Variants in DOK6 observed in about 807,000 individuals in gnomAD.
DOK6 encodes docking protein 6.
A neutral mutation model predicts 44.0 loss-of-function variants in DOK6; 22 were observed. That is an observed-to-expected ratio of 0.50 (90% confidence interval 0.36 to 0.71). The LOEUF is 0.71. Ranked by LOEUF, DOK6 falls within the 30% of genes least tolerant of loss-of-function variation. The pLI is 0.00. For missense variants in DOK6, 340 were observed against 416.4 expected (o/e 0.82, Z 1.60); for synonymous variants, 166 against 145.5 (o/e 1.14, Z -1.01).
At chr18:69,630,742 A>G (rs1161637610) in intron 3 of DOK6, among the ~76,000 whole-genome samples, 1 of 152,218 alleles carries the variant, frequency 6.6e-6, no homozygotes, top group African/African-American at 2.4e-5. Context: ...TGAATGGTCA[A>G]ATTATACTGT....
rs1170166476 is a variant in DOK6 at position 69,629,221 on chromosome 18, C to T, written c.289+29723C>T. 3.9e-5 allele frequency among the ~76,000 whole-genome samples: 6 copies of T among 152,226 alleles called. No homozygotes were observed. In the South Asian group the frequency reaches 1.0e-3, roughly 26 times the overall value. On this transcript the variant is annotated intron_variant, in intron 3 of 7. Transcript: ENST00000382713. ...CATTTGTATGGTGTTGATAGCCTGGCACCCCTGGAGCAATCCAGAAGACTG... is the reference window on the plus strand; with the variant it reads ...CATTTGTATGGTGTTGATAGCCTGGTACCCCTGGAGCAATCCAGAAGACTG...
intron 7 of DOK6, among the ~76,000 whole-genome samples, chr18:69,797,360 AAG>A (rs1980776165): frequency 6.6e-6 from 1 of 152,110 alleles, no homozygotes; most frequent in Non-Finnish European, 1.5e-5. Flanking sequence ...TAAAGTTGTA[AAG>A]TTGTTAGAGT....
At chr18:69,539,149 G>A (rs1474781114) in intron 1 of DOK6, among the ~76,000 whole-genome samples, 1 of 152,068 alleles carries the variant, frequency 6.6e-6, no homozygotes, top group Non-Finnish European at 1.5e-5. Flanking sequence ...TAACCATCCT[G>A]AAATACAAAC....
At chr18:69,578,704 A>T (rs2144608170) in intron 2 of DOK6, among the ~76,000 whole-genome samples, 1 of 152,332 alleles carries the variant, frequency 6.6e-6, no homozygotes. Context: ...TATATGACAG[A>T]TGCAACAGGA....
intron 4 of DOK6, among the ~76,000 whole-genome samples, chr18:69,687,548 G>T (rs1480026013): frequency 6.6e-6 from 1 of 152,092 alleles, no homozygotes; most frequent in African/African-American, 2.4e-5. Flanking sequence ...CAGGTGTGGT[G>T]GCGGGCGCCT....
At chr18:69,707,203 A>C (rs918331355) in intron 5 of DOK6, among the ~76,000 whole-genome samples, 6 of 152,250 alleles carry the variant, frequency 3.9e-5, no homozygotes, top group African/African-American at 1.4e-4. Context: ...AAGAAATGGA[A>C]GAACATTCCA....
At chr18:69,443,257 T>G (rs137988045) in intron 1 of DOK6, among the ~76,000 whole-genome samples, 1 of 152,184 alleles carries the variant, frequency 6.6e-6, no homozygotes, top group Non-Finnish European at 1.5e-5. Flanking sequence ...TTTGACTACC[T>G]GATGAAGGCA....
chr18:69,577,029 C>T (rs1983255327), intron 2 of DOK6, among the ~76,000 whole-genome samples: 1 of 152,140 alleles, frequency 6.6e-6, no homozygotes, highest in African/African-American at 2.4e-5. Flanking sequence ...TGGGACCAAT[C>T]TCACTTCTAA....
Position 69,401,321 on chromosome 18 carries a change from C to T in DOK6, c.66+11C>T, listed in dbSNP as rs201119676. 1,205 of 1,522,120 alleles carry T rather than the reference C, an allele frequency of 7.9e-4. 17 individuals carry two copies. In the South Asian group the frequency reaches 0.014, roughly 18 times the overall value. The allele number at this position is 1,522,120 out of a possible 1,614,324, so 94.3% of individuals were successfully genotyped here. A position where few individuals can be genotyped will look rare whatever the true frequency, so the allele number is the denominator to read the frequency against. The stretch of plus-strand genomic sequence containing the variant: ...AGCAGGAAGCTTGGGGTGAGTGGCT[C>T]GCTCGGCTTGCTCCTTCCCCGGCGC... On this transcript the variant is annotated intron_variant, in intron 1 of 7. Coordinates refer to ENST00000382713, the MANE Select transcript of DOK6 (RefSeq NM_152721.6).
chr18:69,829,455 G>A (rs945601852), intron 7 of DOK6, among the ~76,000 whole-genome samples: 7 of 152,156 alleles, frequency 4.6e-5, no homozygotes, highest in Admixed American at 3.3e-4. Flanking sequence ...GGAACTTGAG[G>A]GAAAGAGTAA....
At chr18:69,447,291 G>C (rs1979323369) in intron 1 of DOK6, among the ~76,000 whole-genome samples, 1 of 152,104 alleles carries the variant, frequency 6.6e-6, no homozygotes, top group Non-Finnish European at 1.5e-5. Context: ...AGTTTTCCTA[G>C]CACCATTTAT....
intron 1 of DOK6, among the ~76,000 whole-genome samples, chr18:69,495,525 G>A (rs1367519707): frequency 6.6e-6 from 1 of 152,136 alleles, no homozygotes; most frequent in Non-Finnish European, 1.5e-5. Flanking sequence ...GGCTGAGCCT[G>A]GGGCTTCTAT....
intron 3 of DOK6, among the ~76,000 whole-genome samples, chr18:69,654,703 C>T (rs1985317791): frequency 6.6e-6 from 1 of 152,142 alleles, no homozygotes; most frequent in African/African-American, 2.4e-5. Flanking sequence ...TTTAGAATTG[C>T]TGACTGCTGT....
intron 7 of DOK6, among the ~76,000 whole-genome samples, chr18:69,772,417 A>G (rs1568121890): frequency 6.6e-6 from 1 of 152,104 alleles, no homozygotes; most frequent in Non-Finnish European, 1.5e-5. Context: ...AATCTTGAGA[A>G]AGAACAGAGC....
At chr18:69,746,057 C>T (rs897906879) in intron 6 of DOK6, among the ~76,000 whole-genome samples, 2 of 152,046 alleles carry the variant, frequency 1.3e-5, no homozygotes, top group African/African-American at 4.8e-5. Context: ...CAAAGAGCAG[C>T]TCTGTAAATG....
intron 6 of DOK6, among the ~76,000 whole-genome samples, chr18:69,750,661 A>G (rs1979146746): frequency 6.6e-6 from 1 of 152,222 alleles, no homozygotes; most frequent in African/African-American, 2.4e-5. Context: ...CATTGGGGAA[A>G]ACAGCATGAA....
At chr18:69,493,246 T>C (rs1980789671) in intron 1 of DOK6, among the ~76,000 whole-genome samples, 1 of 152,210 alleles carries the variant, frequency 6.6e-6, no homozygotes, top group East Asian at 1.9e-4. Context: ...TTTGTAAACT[T>C]ACACGTTTGG....
At chr18:69,782,265 G>T (rs1385059425) in intron 7 of DOK6, among the ~76,000 whole-genome samples, 8 of 146,162 alleles carry the variant, frequency 5.5e-5, no homozygotes, top group African/African-American at 1.8e-4. Context: ...AGGCTGGAGT[G>T]CAGCGGCGAG....
chr18:69,759,059 ACT>A (rs1979455147), intron 7 of DOK6, among the ~76,000 whole-genome samples: 1 of 151,994 alleles, frequency 6.6e-6, no homozygotes, highest in African/African-American at 2.4e-5. Context: ...TTGTAAAGGG[ACT>A]CTCTTATGGC....
Sources: allele counts gnomAD v4.1 joint callset (sites outside exome capture counted in the v4.1 genomes callset), GRCh38; gene constraint gnomAD v4.1.1; transcripts MANE v1.5; gene names NCBI Gene and HGNC (gene_info 2026-07-23, HGNC 2026-07-21).